Variants in DPP6 observed in about 807,000 individuals in gnomAD.
The protein encoded by DPP6 is A-type potassium channel modulatory protein DPP6.
A neutral mutation model predicts 122.6 loss-of-function variants in DPP6; 69 were observed. That is an observed-to-expected ratio of 0.56 (90% confidence interval 0.46 to 0.69). The LOEUF (loss-of-function observed/expected upper bound fraction) is 0.69. DPP6 is among the 30% of genes least tolerant of loss of function. The pLI is 0.00. For synonymous variants in DPP6, 418 were observed against 433.1 expected (o/e 0.97, Z 0.43); for missense variants, 928 against 1,116.9 (o/e 0.83, Z 2.41).
intron 5 of DPP6, among the ~76,000 whole-genome samples, chr7:154,575,481 GTGTGTGGTGTGTGTT>G (rs1831572811): frequency 7.2e-6 from 1 of 139,660 alleles, no homozygotes; most frequent in East Asian, 2.2e-4. Context: ...TGTGTGGTGT[GTGTGTGGTGTGTGTT>G]TGTGTGGTGT....
the DPP6 span, among the ~76,000 whole-genome samples, chr7:153,867,184 A>G: frequency 2.0e-5 from 3 of 152,162 alleles, no homozygotes; most frequent in Non-Finnish European, 4.4e-5. Flanking sequence ...CAATTCTGTG[A>G]AGAAAGTAAT....
intron 1 of DPP6, among the ~76,000 whole-genome samples, chr7:153,914,180 A>G (rs1375678525): frequency 6.6e-6 from 1 of 152,202 alleles, no homozygotes; most frequent in Non-Finnish European, 1.5e-5. Context: ...TGATGATTTT[A>G]TAAGGGCAGA....
At chr7:154,257,996 T>C (rs1252158390) in intron 1 of DPP6, among the ~76,000 whole-genome samples, 1 of 152,184 alleles carries the variant, frequency 6.6e-6, no homozygotes, top group Admixed American at 6.5e-5. Flanking sequence ...CTTGACATCA[T>C]TTCTAGCTGT....
chr7:154,546,487 TTA>T lies in DPP6; in HGVS notation c.552+5862_552+5863del, dbSNP rs1491231464. On this transcript the variant is annotated intron_variant, in intron 4 of 25. Coordinates refer to ENST00000377770, the MANE Select transcript of DPP6 (RefSeq NM_130797.4). ...TTGAAGGAGAAAATAAGTCGATTAT[TTA>T]AAAAAAAAAAAAAAAGTATTCTATT... Among the ~76,000 whole-genome samples the T allele has an allele frequency of 4.1e-5, 5 of 120,852 alleles. No homozygotes were observed. The East Asian group carries it at 1.0e-3, about 25-fold the overall frequency. The allele number at this position is 120,852 out of a possible 152,430, so 79.3% of individuals were successfully genotyped here. A position where few individuals can be genotyped will look rare whatever the true frequency, so the allele number is the denominator to read the frequency against.
At chr7:154,358,703 C>T (rs1007504490) in intron 1 of DPP6, among the ~76,000 whole-genome samples, 1 of 152,060 alleles carries the variant, frequency 6.6e-6, no homozygotes, top group African/African-American at 2.4e-5. Context: ...GTTCAAGAAA[C>T]AATATTTCTT....
intron 1 of DPP6, among the ~76,000 whole-genome samples, chr7:154,377,550 A>G (rs1243375007): frequency 1.3e-5 from 2 of 152,142 alleles, no homozygotes; most frequent in African/African-American, 4.8e-5. Flanking sequence ...TCATGAGGGC[A>G]GTTTCCTTCT....
chr7:154,371,483 A>T (rs566893741), intron 1 of DPP6, among the ~76,000 whole-genome samples: 2 of 151,984 alleles, frequency 1.3e-5, no homozygotes, highest in Admixed American at 1.3e-4. Flanking sequence ...TACTCTCAGG[A>T]TGGTACTTCT....
chr7:154,547,001 A>T (rs997107420), intron 4 of DPP6, among the ~76,000 whole-genome samples: 7 of 152,194 alleles, frequency 4.6e-5, no homozygotes, highest in African/African-American at 1.7e-4. Context: ...ACAGAAGCCC[A>T]CTTTCTTACC....
chr7:154,551,219 C>T (rs1281025587), intron 4 of DPP6, among the ~76,000 whole-genome samples: 2 of 152,190 alleles, frequency 1.3e-5, no homozygotes, highest in Admixed American at 6.5e-5. Flanking sequence ...GACAAAATCT[C>T]CAAGTAGTCT....
intron 1 of DPP6, among the ~76,000 whole-genome samples, chr7:154,119,397 A>C (rs574409112): frequency 6.6e-5 from 10 of 152,204 alleles, no homozygotes; most frequent in African/African-American, 2.4e-4. Context: ...AACCACTTCA[A>C]TTTGGCAGAG....
chr7:154,277,345 G>A (rs552391492), intron 1 of DPP6, among the ~76,000 whole-genome samples: 162 of 152,152 alleles, frequency 1.1e-3, no homozygotes, highest in African/African-American at 3.8e-3. Flanking sequence ...ATCTGAGCTA[G>A]TAAAAACAAC....
At chr7:154,089,486 A>G (rs1804656238) in intron 1 of DPP6, among the ~76,000 whole-genome samples, 1 of 127,110 alleles carries the variant, frequency 7.9e-6, no homozygotes, top group Non-Finnish European at 1.7e-5. Flanking sequence ...TAAAGTGAGG[A>G]CAATACTAAT....
chr7:154,212,042 C>T (rs1382712927), intron 1 of DPP6, among the ~76,000 whole-genome samples: 1 of 152,200 alleles, frequency 6.6e-6, no homozygotes, highest in Non-Finnish European at 1.5e-5. Context: ...GTATTCTTCA[C>T]TTTATACATG....
chr7:154,058,831 TC>T, intron 1 of DPP6: 1 of 145,572 alleles, frequency 6.9e-6, no homozygotes. Flanking sequence ...AGCTATCCCC[TC>T]TTCCGCCCCT....
intron 8 of DPP6, among the ~76,000 whole-genome samples, chr7:154,759,655 G>T (rs933121781): frequency 6.6e-6 from 1 of 152,180 alleles, no homozygotes; most frequent in Non-Finnish European, 1.5e-5. Flanking sequence ...CAAACCTCCA[G>T]CATTGTTCCA....
chr7:154,849,559 A>G (rs1802212482), intron 16 of DPP6, among the ~76,000 whole-genome samples: 1 of 152,224 alleles, frequency 6.6e-6, no homozygotes, highest in African/African-American at 2.4e-5. Context: ...CAGTTCTAAC[A>G]TTCCTTTGGT....
the DPP6 span, among the ~76,000 whole-genome samples, chr7:153,876,411 C>T: frequency 5.3e-5 from 8 of 150,528 alleles, no homozygotes; most frequent in Non-Finnish European, 8.9e-5. Flanking sequence ...AAATCACACA[C>T]ACACACACAC....
intron 7 of DPP6, among the ~76,000 whole-genome samples, chr7:154,718,453 C>A (rs187378010): frequency 6.6e-6 from 1 of 152,074 alleles, no homozygotes; most frequent in East Asian, 1.9e-4. Flanking sequence ...GGTCTAATTT[C>A]ATTCTTCACG....
chr7:154,077,729 G>A (rs1413880966), intron 1 of DPP6, among the ~76,000 whole-genome samples: 2 of 150,460 alleles, frequency 1.3e-5, no homozygotes, highest in Admixed American at 6.6e-5. Flanking sequence ...AGAGTGCAGT[G>A]GTGTGATCTG....
Sources: allele counts gnomAD v4.1 joint callset (sites outside exome capture counted in the v4.1 genomes callset), GRCh38; gene constraint gnomAD v4.1.1; transcripts MANE v1.5; gene names NCBI Gene and HGNC (gene_info 2026-07-23, HGNC 2026-07-21).